Variants in SLIT3 observed in about 807,000 individuals in gnomAD.
The protein encoded by SLIT3 is slit homolog 3 protein.
Under a neutral mutation model 184.0 loss-of-function variants are expected in SLIT3, and 68 were observed. The observed-to-expected ratio is 0.37, with a 90% CI of 0.30 to 0.45. SLIT3 has a LOEUF of 0.45. Ranked by LOEUF, SLIT3 falls within the 20% of genes least tolerant of loss-of-function variation. SLIT3 has a pLI of 1.00. For missense variants in SLIT3, 1,707 were observed against 2,026.0 expected (o/e 0.84, Z 3.02); for synonymous variants, 831 against 828.6 (o/e 1.00, Z -0.05).
chr5:169,099,540 A>G (rs1215886258), intron 4 of SLIT3, among the ~76,000 whole-genome samples: 5 of 152,180 alleles, frequency 3.3e-5, no homozygotes, highest in Non-Finnish European at 5.9e-5. Context: ...ATGCCATTTT[A>G]TTCTCATAAC....
intron 4 of SLIT3, among the ~76,000 whole-genome samples, chr5:169,068,030 A>G (rs1468324160): frequency 6.6e-6 from 1 of 152,212 alleles, no homozygotes; most frequent in East Asian, 1.9e-4. Flanking sequence ...AATCTAATTA[A>G]AAGCCAGTCC....
intron 12 of SLIT3, among the ~76,000 whole-genome samples, chr5:168,777,961 C>T (rs576703956): frequency 6.6e-6 from 1 of 152,142 alleles, no homozygotes; most frequent in Non-Finnish European, 1.5e-5. Flanking sequence ...TATTATGGAG[C>T]AAATAGAGAG....
At position 169,059,104 on chromosome 5, in the gene SLIT3, C is replaced by T. The variant is rs186416175; in HGVS notation, c.413+134375G>A. On this transcript the variant is annotated intron_variant, in intron 4 of 35. Coordinates refer to ENST00000519560, the MANE Select transcript of SLIT3 (RefSeq NM_003062.4). ...CTTGCTTTCATCCTTCAGCTGGTGC[C>T]AAGGGAGCTAATCGCCAGCTCTAGG... 1.9e-4 allele frequency among the ~76,000 whole-genome samples: 29 copies of T among 152,264 alleles called. No individual in the cohort carries two copies. In the East Asian group the frequency reaches 2.3e-3, roughly 12 times the overall value.
intron 20 of SLIT3, among the ~76,000 whole-genome samples, chr5:168,724,805 A>G (rs1018855399): frequency 1.3e-5 from 2 of 152,174 alleles, no homozygotes; most frequent in Admixed American, 6.5e-5. Flanking sequence ...TGTTTAATAA[A>G]TAAAGCACTC....
chr5:168,763,574 T>A (rs895108961), intron 14 of SLIT3, among the ~76,000 whole-genome samples: 1 of 152,102 alleles, frequency 6.6e-6, no homozygotes, highest in Non-Finnish European at 1.5e-5. Flanking sequence ...AAAGCAAATC[T>A]CCCGAAGTTG....
rs1761094392 is a variant in SLIT3 at position 168,907,613 on chromosome 5, A to G, written c.414-24277T>C. On this transcript the variant is annotated intron_variant, in intron 4 of 35. Transcript: ENST00000519560. The stretch of plus-strand genomic sequence containing the variant: ...ACTTCAATGACTGTGTATTACATGT[A>G]TGATAAAGAAATGCATTTATTATTT... Among the ~76,000 whole-genome samples, 10 of 152,280 alleles carry G rather than the reference A, an allele frequency of 6.6e-5. No homozygotes were observed. In the South Asian group the frequency reaches 2.1e-3, roughly 32 times the overall value.
chr5:169,248,980 G>C (rs927923652), intron 2 of SLIT3, among the ~76,000 whole-genome samples: 4 of 152,104 alleles, frequency 2.6e-5, no homozygotes, highest in Admixed American at 6.5e-5. Context: ...AGAAACTGTT[G>C]GGTGGCCAAT....
chr5:168,762,591 T>C lies in SLIT3; in HGVS notation c.1558A>G (p.Asn520Asp), dbSNP rs941245259. Residue 520 changes from asparagine to aspartate, a missense_variant, in exon 15 of 36, where the codon AAC (asparagine) becomes GAC (aspartate). Transcript: ENST00000519560. ...RCEGTIVDCS[N>D]QKLVRIPSHL... is the part of the protein sequence containing the mutation. The stretch of plus-strand genomic sequence containing the variant: ...CTTGGGATGCGGACCAGCTTCTGGT[T>C]GGAGCAGTCCACAATCGTGCCCTCA... 36 of 1,613,794 alleles carry C rather than the reference T, an allele frequency of 2.2e-5. No homozygotes were observed. Among genetic ancestry groups the C allele is most frequent in the Non-Finnish European group, 3.1e-5 (36 of 1,179,978 alleles).
intron 10 of SLIT3, among the ~76,000 whole-genome samples, chr5:168,792,663 C>T (rs1290189816): frequency 3.9e-5 from 6 of 152,154 alleles, no homozygotes; most frequent in Admixed American, 1.3e-4. Context: ...GAAAAGAATT[C>T]CCAACACCCC....
intron 3 of SLIT3, among the ~76,000 whole-genome samples, chr5:169,240,155 G>T (rs1338240474): frequency 6.6e-6 from 1 of 151,772 alleles, no homozygotes; most frequent in Non-Finnish European, 1.5e-5. Context: ...GGTATTTGTT[G>T]ACTTGCTTTC....
chr5:168,868,610 T>C (rs1361890564), intron 5 of SLIT3, among the ~76,000 whole-genome samples: 1 of 151,866 alleles, frequency 6.6e-6, no homozygotes, highest in African/African-American at 2.4e-5. Context: ...TAGCTGGCCG[T>C]GGTGGCGGGC....
At chr5:168,839,105 A>T (rs1016260146) in intron 6 of SLIT3, among the ~76,000 whole-genome samples, 1 of 152,150 alleles carries the variant, frequency 6.6e-6, no homozygotes, top group Non-Finnish European at 1.5e-5. Context: ...AGCTCCTCAG[A>T]AGGTGAGACA....
intron 4 of SLIT3, among the ~76,000 whole-genome samples, chr5:168,930,496 C>A (rs778897872): frequency 7.2e-5 from 11 of 152,142 alleles, no homozygotes; most frequent in Non-Finnish European, 1.5e-4. Flanking sequence ...GATGTAAACC[C>A]CTCCCAGCCT....
At chr5:168,759,481 C>G (rs544480636) in intron 16 of SLIT3, among the ~76,000 whole-genome samples, 2 of 152,320 alleles carry the variant, frequency 1.3e-5, no homozygotes, top group South Asian at 2.1e-4. Flanking sequence ...CTTAGGATGG[C>G]TAGACAGCCC....
At chr5:169,062,198 T>C (rs1268849875) in intron 4 of SLIT3, among the ~76,000 whole-genome samples, 1 of 151,884 alleles carries the variant, frequency 6.6e-6, no homozygotes, top group Non-Finnish European at 1.5e-5. Context: ...AAAAAATAAA[T>C]ACATAAATAA....
chr5:168,921,334 G>C (rs1359363956), intron 4 of SLIT3, among the ~76,000 whole-genome samples: 1 of 152,090 alleles, frequency 6.6e-6, no homozygotes, highest in South Asian at 2.1e-4. Flanking sequence ...TTCACCTCAC[G>C]TACAAAATGA....
At chr5:169,272,317 G>A (rs1766655659) in intron 1 of SLIT3, among the ~76,000 whole-genome samples, 1 of 152,242 alleles carries the variant, frequency 6.6e-6, no homozygotes, top group African/African-American at 2.4e-5. Context: ...CGCAATGTTG[G>A]CTCTGCAAGC....
At chr5:169,117,275 C>T (rs111551741) in intron 4 of SLIT3, among the ~76,000 whole-genome samples, 21 of 152,290 alleles carry the variant, frequency 1.4e-4, no homozygotes, top group Admixed American at 2.6e-4. Flanking sequence ...ATAAAAAGCA[C>T]GGCTCCATGC....
At chr5:168,722,054 G>T (rs1192078763) in intron 23 of SLIT3, among the ~76,000 whole-genome samples, 1 of 152,136 alleles carries the variant, frequency 6.6e-6, no homozygotes, top group Non-Finnish European at 1.5e-5. Context: ...GTTCCACAGT[G>T]GTAGTGCGCT....
Sources: allele counts gnomAD v4.1 joint callset (sites outside exome capture counted in the v4.1 genomes callset), GRCh38; gene constraint gnomAD v4.1.1; transcripts MANE v1.5; gene names NCBI Gene and HGNC (gene_info 2026-07-23, HGNC 2026-07-21).